PADI4: variants seen among roughly 807,000 people sequenced by gnomAD.
PADI4 encodes the protein protein-arginine deiminase type-4.
In PADI4, 62 loss-of-function variants were observed where a neutral mutation model predicts 75.0. The ratio of observed to expected loss-of-function variants is 0.83; its 90% confidence interval spans 0.67 to 1.02. The LOEUF (loss-of-function observed/expected upper bound fraction) is 1.02. Among genes scored for constraint, PADI4 ranks in the 50% least tolerant of loss-of-function variants. The pLI, the probability that PADI4 is intolerant of heterozygous loss-of-function variation, is 0.00. For missense variants in PADI4, 845 were observed against 850.5 expected, an observed-to-expected ratio of 0.99 and a Z score of 0.08; for synonymous variants, 361 against 348.1, an observed-to-expected ratio of 1.04 and a Z score of -0.41.
At chr1:17,347,830 C>T in intron 9 of PADI4, 111 bp from the exon 10 acceptor site, 1 of 566,092 alleles carries the variant, frequency 1.8e-6, no homozygotes, top group South Asian at 2.6e-5. Flanking sequence ...AGGAATGTGC[C>T]CTTGACTGCA....
intron 15 of PADI4, 42 bp from the exon 16 acceptor site, chr1:17,363,480 T>C: frequency 7.2e-7 from 1 of 1,397,458 alleles, no homozygotes; most frequent in East Asian, 2.3e-5. Context: ...CGCTGCAGGC[T>C]GCCCGCTGCT....
intron 5 of PADI4, 56 bp from the exon 6 acceptor site, chr1:17,339,632 G>A (rs778784238): frequency 6.2e-7 from 1 of 1,603,568 alleles, no homozygotes; most frequent in African/African-American, 1.3e-5. Context: ...GTGGCTATGG[G>A]AAACCAGCAG....
In PADI4 at chr1:17,360,027, C is replaced by T. The variant is rs185934859; in HGVS notation, c.1758+619C>T. Among the ~76,000 whole-genome samples the T allele has an allele frequency of 1.9e-3, 295 of 152,220 alleles. 2 individuals carry two copies. Among genetic ancestry groups the T allele is most frequent in the African/African-American group, 6.8e-3 (284 of 41,536 alleles). On this transcript the variant is annotated intron_variant, in intron 15 of 15. Coordinates refer to ENST00000375448, the MANE Select transcript of PADI4 (RefSeq NM_012387.3). ...TCTTGAGGCCGGGTGCGGTGGCTCACGCCTGTAATCCTAGCACCTTAGTAG... is the reference window on the plus strand; with the variant it reads ...TCTTGAGGCCGGGTGCGGTGGCTCATGCCTGTAATCCTAGCACCTTAGTAG...
At chr1:17,338,777 G>A (rs1035116740) in intron 5 of PADI4, among the ~76,000 whole-genome samples, 1 of 152,212 alleles carries the variant, frequency 6.6e-6, no homozygotes, top group South Asian at 2.1e-4. Flanking sequence ...GGGTGGCTCC[G>A]GGGTTGAAGT....
At chr1:17,341,846 G>T in intron 6 of PADI4, 97 bp from the exon 7 acceptor site, 1 of 877,668 alleles carries the variant, frequency 1.1e-6, no homozygotes, top group South Asian at 1.6e-5. Context: ...GTGCCATGTG[G>T]TGACCCTGGG....
chr1:17,353,547 T>C (rs1343718127), intron 10 of PADI4, among the ~76,000 whole-genome samples: 3 of 152,120 alleles, frequency 2.0e-5, no homozygotes, highest in Admixed American at 2.0e-4. Context: ...GAATGGACCA[T>C]CTATGTGTAG....
At chr1:17,354,828 C>G (rs375570263) in intron 11 of PADI4, 141 bp downstream of exon 11, 2 of 811,566 alleles carry the variant, frequency 2.5e-6, no homozygotes, top group Non-Finnish European at 3.7e-6. Context: ...GGAATCCAAG[C>G]GCAGGGTGAG....
intron 1 of PADI4, among the ~76,000 whole-genome samples, chr1:17,322,491 C>CG (rs55792729): frequency 0.33 from 49,494 of 149,234 alleles, 8,201 homozygotes; most frequent in South Asian, 0.41. Flanking sequence ...TCCATCCCCC[C>CG]CCAAAAAAAA....
chr1:17,362,115 T>C (rs547140076), intron 15 of PADI4, among the ~76,000 whole-genome samples: 8 of 152,186 alleles, frequency 5.3e-5, no homozygotes, highest in African/African-American at 1.7e-4. Flanking sequence ...GGGTGGCTCA[T>C]ACCTGTAATC....
chr1:17,360,617 G>A, intron 15 of PADI4, among the ~76,000 whole-genome samples: 1 of 152,154 alleles, frequency 6.6e-6, no homozygotes, highest in East Asian at 1.9e-4. Flanking sequence ...GCTTCTGCCA[G>A]GGCTCTGGCT....
chr1:17,351,482 T>C (rs1280354786), intron 10 of PADI4, among the ~76,000 whole-genome samples: 4 of 151,152 alleles, frequency 2.6e-5, no homozygotes, highest in Non-Finnish European at 5.9e-5. Flanking sequence ...TGGTGGTGCA[T>C]GCCTATAGTT....
intron 1 of PADI4, among the ~76,000 whole-genome samples, chr1:17,313,007 T>C (rs747606005): frequency 6.6e-6 from 1 of 151,538 alleles, no homozygotes; most frequent in Non-Finnish European, 1.5e-5. Context: ...CTGGCCAACA[T>C]GGTGAAACCC....
rs74058734 is a variant in PADI4 at position 17,359,477 on chromosome 1, G to C, written c.1758+69G>C. The C allele has an allele frequency of 3.2e-3, 5,067 of 1,603,192 alleles. 134 individuals carry two copies. In the African/African-American group the frequency reaches 0.06, roughly 19 times the overall value. On this transcript the variant is annotated intron_variant, in intron 15 of 15. Coordinates refer to ENST00000375448, the MANE Select transcript of PADI4 (RefSeq NM_012387.3). ...GTAGCTCAGCCCGAGAGGCCAGTGG[G>C]GCACCCGGGCGGTCCCAGAGGGCTT...
chr1:17,363,171 T>C (rs2074870440), intron 15 of PADI4, among the ~76,000 whole-genome samples: 3 of 152,060 alleles, frequency 2.0e-5, no homozygotes, highest in African/African-American at 7.2e-5. Context: ...CAGGCTGGAG[T>C]GCAGTGGCAC....
At chr1:17,334,262 G>A in intron 3 of PADI4, 2 of 488,732 alleles carry the variant, frequency 4.1e-6, no homozygotes, top group Non-Finnish European at 7.8e-6. Context: ...TGCTTCTCAA[G>A]TTAGGAAGTA....
intron 5 of PADI4, among the ~76,000 whole-genome samples, chr1:17,339,169 C>G (rs35489932): frequency 0.016 from 2,436 of 152,260 alleles, 34 homozygotes; most frequent in Non-Finnish European, 0.024. Context: ...GACCGCAAAG[C>G]CTTTAAGCCC....
At chr1:17,308,798 A>G (rs1487054026) in intron 1 of PADI4, among the ~76,000 whole-genome samples, 1 of 151,948 alleles carries the variant, frequency 6.6e-6, no homozygotes, top group East Asian at 1.9e-4. Context: ...AGACTGAGGT[A>G]GGAAGCCTGG....
intron 1 of PADI4, among the ~76,000 whole-genome samples, chr1:17,329,323 C>CA (rs10716965): frequency 0.028 from 3,063 of 109,160 alleles, 58 homozygotes; most frequent in Non-Finnish European, 0.04. Context: ...GACTCTGTCT[C>CA]AAAAAAAAAA....
chr1:17,330,985 T>A lies in PADI4; in HGVS notation c.109T>A (p.Cys37Ser). The change falls in exon 2 of 16, where the codon TGC (cysteine) becomes AGC (serine). Residue 37 changes from cysteine to serine, a missense_variant. Coordinates refer to ENST00000375448, the MANE Select transcript of PADI4 (RefSeq NM_012387.3). ...TGTCCACAGCTCTGCCCCTGAGGAC[T>A]GCACGTCCTTCAGCATCAACGCCTC... is the stretch of plus-strand genomic sequence containing the variant. ...LDICSSAPED[C>S]TSFSINASPG... The A allele has an allele frequency of 6.3e-7, 1 of 1,587,556 alleles. No individual in the cohort carries two copies. Among genetic ancestry groups the A allele is most frequent in the South Asian group, 1.1e-5 (1 of 87,050 alleles).
Sources: gnomAD v4.1 joint callset for allele counts (sites outside exome capture counted in the v4.1 genomes callset) on GRCh38, gnomAD v4.1.1 for gene constraint, MANE v1.5 for transcripts, NCBI Gene and HGNC (gene_info 2026-07-23, HGNC 2026-07-21) for gene names.